HDAC9: variants seen among roughly 807,000 people sequenced by gnomAD.
HDAC9 encodes the protein histone deacetylase 9, also known as MEF-2 interacting transcription repressor (MITR) protein.
HDAC9 carries 41 observed loss-of-function variants against 139.4 expected under a neutral mutation model. The observed-to-expected ratio is 0.29, with a 90% CI of 0.23 to 0.38. HDAC9 has a LOEUF of 0.38. HDAC9 is among the 10% of genes least tolerant of loss of function. HDAC9 has a pLI of 1.00. For synonymous variants in HDAC9, 517 were observed against 476.2 expected, an observed-to-expected ratio of 1.09 and a Z score of -1.12; for missense variants, 1,147 against 1,297.0, an observed-to-expected ratio of 0.88 and a Z score of 1.78.
At chr7:18,912,175 G>C (rs892075571) in intron 22 of HDAC9, among the ~76,000 whole-genome samples, 9 of 151,654 alleles carry the variant, frequency 5.9e-5, no homozygotes, top group African/African-American at 2.2e-4. Context: ...TCCAGTGTTG[G>C]GTATTTACAA....
chr7:18,909,392 A>G (rs1483490056), intron 22 of HDAC9, among the ~76,000 whole-genome samples: 5 of 151,850 alleles, frequency 3.3e-5, no homozygotes, highest in Non-Finnish European at 7.4e-5. Context: ...GCTTTCTAGT[A>G]TGATATTATT....
chr7:18,893,153 C>T (rs780973911), intron 22 of HDAC9, among the ~76,000 whole-genome samples: 12 of 151,558 alleles, frequency 7.9e-5, no homozygotes, highest in South Asian at 2.1e-4. Context: ...GTACCCCTAA[C>T]GTTCTTTTCA....
At chr7:18,723,226 A>T (rs576348198) in intron 12 of HDAC9, among the ~76,000 whole-genome samples, 1 of 152,236 alleles carries the variant, frequency 6.6e-6, no homozygotes, top group African/African-American at 2.4e-5. Context: ...GATTTTATAT[A>T]TATCTCTCTC....
chr7:18,968,108 G>A (rs1783999381), intron 24 of HDAC9, among the ~76,000 whole-genome samples: 1 of 152,140 alleles, frequency 6.6e-6, no homozygotes, highest in Admixed American at 6.5e-5. Context: ...GATGCAGAGA[G>A]CCGAGATCGC....
intron 2 of HDAC9, among the ~76,000 whole-genome samples, chr7:18,166,287 G>A (rs148672652): frequency 7.7e-4 from 117 of 152,248 alleles, no homozygotes; most frequent in African/African-American, 2.7e-3. Context: ...TATAAAGCTA[G>A]CTCATCTCTC....
At chr7:18,118,190 C>A (rs562552620) in intron 1 of HDAC9, among the ~76,000 whole-genome samples, 1 of 152,334 alleles carries the variant, frequency 6.6e-6, no homozygotes, top group East Asian at 1.9e-4. Context: ...CCCTACTTCA[C>A]AAATGAGCCA....
chr7:18,615,713 G>A (rs908993251), intron 6 of HDAC9, among the ~76,000 whole-genome samples: 6 of 151,916 alleles, frequency 3.9e-5, no homozygotes, highest in African/African-American at 1.5e-4. Context: ...TAAAAATAAT[G>A]CATTAAAAAT....
chr7:18,667,173 C>T (rs1795082483), intron 12 of HDAC9: 3 of 985,246 alleles, frequency 3.0e-6, no homozygotes, highest in Non-Finnish European at 3.6e-6. Flanking sequence ...TAGCACTGCT[C>T]ATTTTACTTT....
At chr7:18,248,600 G>C (rs1227075690) in intron 2 of HDAC9, among the ~76,000 whole-genome samples, 3 of 152,098 alleles carry the variant, frequency 2.0e-5, no homozygotes, top group African/African-American at 7.2e-5. Context: ...TATTTCATTT[G>C]ATCATTGTTT....
At chr7:18,249,264 A>C (rs570768967) in intron 2 of HDAC9, among the ~76,000 whole-genome samples, 2 of 152,176 alleles carry the variant, frequency 1.3e-5, no homozygotes, top group Admixed American at 1.3e-4. Context: ...ACACTTTGGG[A>C]GGCTGAGGTG....
At chr7:18,730,324 T>G (rs1455787392) in intron 13 of HDAC9, among the ~76,000 whole-genome samples, 1 of 152,204 alleles carries the variant, frequency 6.6e-6, no homozygotes, top group Non-Finnish European at 1.5e-5. Context: ...ATCTCAAAAA[T>G]CACTTTAGTA....
intron 21 of HDAC9, among the ~76,000 whole-genome samples, chr7:18,849,526 C>G (rs1301795237): frequency 1.3e-5 from 2 of 152,074 alleles, no homozygotes; most frequent in African/African-American, 2.4e-5. Flanking sequence ...ACATATCTCC[C>G]ACACTTTTTT....
chr7:18,748,036 A>G (rs1203249232), intron 13 of HDAC9, among the ~76,000 whole-genome samples: 1 of 152,172 alleles, frequency 6.6e-6, no homozygotes, highest in Non-Finnish European at 1.5e-5. Flanking sequence ...TTCGATGGTC[A>G]TTTATTGGAA....
intron 25 of HDAC9, among the ~76,000 whole-genome samples, chr7:18,982,876 G>A (rs772019494): frequency 3.3e-5 from 5 of 151,990 alleles, no homozygotes; most frequent in African/African-American, 7.3e-5. Flanking sequence ...TTGTTTATCC[G>A]TATACCTACG....
At chr7:18,667,910 C>T (rs1381451661) in intron 12 of HDAC9, 21 of 981,384 alleles carry the variant, frequency 2.1e-5, no homozygotes, top group Non-Finnish European at 2.5e-5. Context: ...TGTATTAAGA[C>T]CCCTTTAATA....
intron 1 of HDAC9, among the ~76,000 whole-genome samples, chr7:18,356,363 T>TTG (rs1554388631): frequency 7.3e-6 from 1 of 137,884 alleles, no homozygotes; most frequent in Non-Finnish European, 1.6e-5. Context: ...CATAGGTTTT[T>TTG]TTTTTTTTTT....
At chr7:18,691,388 C>T (rs1045916283) in intron 12 of HDAC9, among the ~76,000 whole-genome samples, 1 of 152,004 alleles carries the variant, frequency 6.6e-6, no homozygotes, top group Non-Finnish European at 1.5e-5. Flanking sequence ...TTGTATTGCT[C>T]TTTCTGATCT....
chr7:18,611,534 C>A (rs1055487008), intron 6 of HDAC9, among the ~76,000 whole-genome samples: 1 of 152,060 alleles, frequency 6.6e-6, no homozygotes, highest in Non-Finnish European at 1.5e-5. Flanking sequence ...GGTTTACTAA[C>A]TTTCCTAAGG....
chr7:18,093,882 T>G (rs1253756472), intron 1 of HDAC9, among the ~76,000 whole-genome samples: 1 of 152,224 alleles, frequency 6.6e-6, no homozygotes, highest in Non-Finnish European at 1.5e-5. Context: ...CTTAAATATC[T>G]TCTTTAAATG....
Sources: gnomAD v4.1 joint callset for allele counts (sites outside exome capture counted in the v4.1 genomes callset) on GRCh38, gnomAD v4.1.1 for gene constraint, MANE v1.5 for transcripts, NCBI Gene and HGNC (gene_info 2026-07-23, HGNC 2026-07-21) for gene names.